Variants in TRABD2B observed in about 807,000 individuals in gnomAD.
The protein encoded by TRABD2B is TraB domain containing 2B, also known as metalloprotease TIKI2.
In TRABD2B, 14 loss-of-function variants were observed where a neutral mutation model predicts 40.1. That is an observed-to-expected ratio of 0.35 (90% CI 0.23 to 0.55). The LOEUF is 0.55. Among genes scored for constraint, TRABD2B ranks in the 20% least tolerant of loss-of-function variants. The pLI is 0.90. For missense variants in TRABD2B, 541 were observed against 648.6 expected (o/e 0.83, Z 1.80); for synonymous variants, 263 against 277.0 (o/e 0.95, Z 0.50).
chr1:47,873,185 C>A (rs1644169516), intron 2 of TRABD2B, among the ~76,000 whole-genome samples: 1 of 152,122 alleles, frequency 6.6e-6, no homozygotes, highest in Non-Finnish European at 1.5e-5. Context: ...AATTGCCTCC[C>A]AAAGGCCCCA....
intron 2 of TRABD2B, among the ~76,000 whole-genome samples, chr1:47,869,953 G>A (rs556651129): frequency 5.9e-5 from 9 of 152,284 alleles, no homozygotes; most frequent in African/African-American, 2.2e-4. Flanking sequence ...AAGAAAGTGG[G>A]AGCCCCTGGG....
At position 47,994,354 on chromosome 1, in the gene TRABD2B, C is replaced by G. The variant is rs940259929; in HGVS notation, c.346G>C (p.Glu116Gln). 2.6e-6 allele frequency: 4 copies of G among 1,536,076 alleles called. No individual in the cohort carries two copies. In the African/African-American group the frequency reaches 4.1e-5, roughly 16 times the overall value. The change falls in exon 2 of 7, where the codon GAG (glutamate) becomes CAG (glutamine). Residue 116 changes from glutamate to glutamine, a missense_variant. Glu to Gln is a conservative substitution (Grantham distance 29). Around this residue, in one of 2 missense-constraint regions of TRABD2B, gnomAD observed 369 missense variants for 492.8 expected, o/e 0.75. Transcript: ENST00000606738. This position sits in a 1 kb window ranked among gnomAD's most constrained non-coding sequence, Gnocchi z 6.7. ...GENLQDVLPH[E>Q]LYWRLKRHLD... ...TGGCGCTTCAAGCGCCAGTAAAGCT[C>G]GTGGGGCAGCACGTCCTGCAGGTTT...
chr1:47,765,330 C>T lies in TRABD2B; in HGVS notation c.*572G>A. The T allele has an allele frequency of 6.5e-6, 1 of 153,734 alleles. No individual in the cohort carries two copies. Among genetic ancestry groups the T allele is most frequent in the East Asian group, 1.9e-4 (1 of 5,196 alleles). The allele number at this position is 153,734 out of a possible 1,614,324, so 9.5% of individuals were successfully genotyped here. On this transcript the variant is annotated 3_prime_UTR_variant, in exon 7 of 7. Transcript: ENST00000606738. The stretch of plus-strand genomic sequence containing the variant: ...GCCAGATAGACACTCAGGGGTTTCA[C>T]AATAGCAGCATTCTCTTTCCTAAAT...
chr1:47,911,505 G>T (rs1644762367), intron 2 of TRABD2B, among the ~76,000 whole-genome samples: 1 of 152,250 alleles, frequency 6.6e-6, no homozygotes, highest in Non-Finnish European at 1.5e-5. Context: ...CTGAGTCACA[G>T]AAGTGGCTGG....
chr1:47,976,670 G>C (rs1645760152), intron 2 of TRABD2B, among the ~76,000 whole-genome samples: 2 of 152,170 alleles, frequency 1.3e-5, no homozygotes, highest in Non-Finnish European at 2.9e-5. Flanking sequence ...ATTTCAAATA[G>C]GGTGGTCAGG....
intron 1 of TRABD2B, among the ~76,000 whole-genome samples, chr1:47,995,655 T>C (rs953925583): frequency 6.6e-6 from 1 of 152,176 alleles, no homozygotes; most frequent in African/African-American, 2.4e-5. Flanking sequence ...CACTGACCAC[T>C]TGCAAGCTTT....
chr1:47,790,942 C>T (rs772769158), intron 4 of TRABD2B, among the ~76,000 whole-genome samples: 1 of 152,172 alleles, frequency 6.6e-6, no homozygotes, highest in Non-Finnish European at 1.5e-5. Context: ...GGGACTGAGG[C>T]CCTTGGAGGT....
At position 47,996,257 on chromosome 1, in the gene TRABD2B, G is replaced by A. The variant is rs1352800379; in HGVS notation, c.102+431C>T. Among the ~76,000 whole-genome samples the A allele has an allele frequency of 6.6e-6, 1 of 152,124 alleles. No individual in the cohort carries two copies. The highest frequency in any genetic ancestry group is 1.9e-4 in the East Asian group (1 of 5,182). ...AGGGAGAGAGAGGGAAGCCTGGGAG[G>A]GGGCAGAGTGTGTGAATGGGAGAGC... On this transcript the variant is annotated intron_variant, in intron 1 of 6. Coordinates refer to ENST00000606738, the MANE Select transcript of TRABD2B (RefSeq NM_001194986.2). This position sits in a 1 kb window ranked among gnomAD's most constrained non-coding sequence, Gnocchi z 4.6.
chr1:47,893,911 A>G (rs1644483155), intron 2 of TRABD2B, among the ~76,000 whole-genome samples: 2 of 152,100 alleles, frequency 1.3e-5, no homozygotes, highest in South Asian at 4.1e-4. Context: ...CCAAAAAGCG[A>G]TTTGTGAGAC....
chr1:47,872,492 G>A (rs560464188), intron 2 of TRABD2B, among the ~76,000 whole-genome samples: 6 of 152,284 alleles, frequency 3.9e-5, no homozygotes, highest in African/African-American at 1.4e-4. Flanking sequence ...GCAGCCTGGG[G>A]TCCCAACTCC....
At position 47,802,843 on chromosome 1, in the gene TRABD2B, C is replaced by G. The variant is rs983657127; in HGVS notation, c.667-1224G>C. ...TAAATGCACAAATCTGATGATTTCT[C>G]TCTCTCTCTTTTGCTCAAAACGTTC... On this transcript the variant is annotated intron_variant, in intron 2 of 6. Coordinates refer to ENST00000606738, the MANE Select transcript of TRABD2B (RefSeq NM_001194986.2). Among the ~76,000 whole-genome samples the G allele has an allele frequency of 2.8e-4, 43 of 152,276 alleles. 2 individuals carry two copies. Among genetic ancestry groups the G allele is most frequent in the Admixed American group, 1.9e-3 (29 of 15,296 alleles).
chr1:47,966,046 G>C (rs1382041128), intron 2 of TRABD2B, among the ~76,000 whole-genome samples: 1 of 152,204 alleles, frequency 6.6e-6, no homozygotes, highest in African/African-American at 2.4e-5. Flanking sequence ...TTGAAGAACT[G>C]TCTGGCGCTG....
intron 2 of TRABD2B, among the ~76,000 whole-genome samples, chr1:47,935,573 A>G (rs1371463107): frequency 6.6e-6 from 1 of 152,232 alleles, no homozygotes; most frequent in Non-Finnish European, 1.5e-5. Flanking sequence ...TTACTGCCCT[A>G]CTGCAGGATA....
At chr1:47,871,828 C>T (rs896297152) in intron 2 of TRABD2B, among the ~76,000 whole-genome samples, 2 of 152,200 alleles carry the variant, frequency 1.3e-5, no homozygotes, top group African/African-American at 4.8e-5. Flanking sequence ...GACTAGCTCT[C>T]TACACCAGCA....
rs937918435 is a variant in TRABD2B at position 47,799,154 on chromosome 1, C to T, written c.813+2319G>A. Among the ~76,000 whole-genome samples the T allele has an allele frequency of 3.3e-5, 5 of 152,202 alleles. No individual in the cohort carries two copies. In the South Asian group the frequency reaches 1.0e-3, roughly 32 times the overall value. ...GCCTTCTCCTGAGGTCACCTCATGC[C>T]TCCGTTTCTCAGCTTAGGGTCAGCC... On this transcript the variant is annotated intron_variant, in intron 3 of 6. Transcript: ENST00000606738.
At chr1:47,973,691 C>T (rs1041100652) in intron 2 of TRABD2B, among the ~76,000 whole-genome samples, 6 of 152,220 alleles carry the variant, frequency 3.9e-5, no homozygotes, top group African/African-American at 1.4e-4. Context: ...CCAGGTCAAC[C>T]ACTAGTGTCT....
At chr1:47,768,069 C>T (rs1370710075) in intron 6 of TRABD2B, among the ~76,000 whole-genome samples, 5 of 152,180 alleles carry the variant, frequency 3.3e-5, no homozygotes, top group African/African-American at 1.2e-4. Flanking sequence ...GGCACTCTGT[C>T]CTGGCTTGAC....
chr1:47,922,136 T>C (rs980224232), intron 2 of TRABD2B, among the ~76,000 whole-genome samples: 8 of 151,964 alleles, frequency 5.3e-5, no homozygotes, highest in South Asian at 2.1e-4. Flanking sequence ...GGATGATTAA[T>C]ATCTACACTC....
intron 2 of TRABD2B, among the ~76,000 whole-genome samples, chr1:47,916,355 T>C (rs1038896863): frequency 6.6e-6 from 1 of 152,056 alleles, no homozygotes; most frequent in Non-Finnish European, 1.5e-5. Flanking sequence ...CAAAGATGGA[T>C]CAAACATGCC....
Sources: allele counts gnomAD v4.1 joint callset (sites outside exome capture counted in the v4.1 genomes callset), GRCh38; gene constraint gnomAD v4.1.1; regional missense constraint gnomAD v4.1.1; non-coding constraint Gnocchi (gnomAD v3.1); transcripts MANE v1.5; gene names NCBI Gene and HGNC (gene_info 2026-07-23, HGNC 2026-07-21).